SANBR: variants seen among roughly 807,000 people sequenced by gnomAD.
SANBR encodes SANT and BTB domain regulator of class switch recombination.
Under a neutral mutation model 101.8 loss-of-function variants are expected in SANBR, and 77 were observed. The ratio of observed to expected loss-of-function variants is 0.76; its 90% CI spans 0.63 to 0.91. The LOEUF (loss-of-function observed/expected upper bound fraction) is 0.91, where lower values mean the gene tolerates loss of function less well. Ranked by LOEUF, SANBR falls within the 40% of genes least tolerant of loss-of-function variation. SANBR has a pLI of 0.00. For synonymous variants in SANBR, 279 were observed against 274.7 expected, an observed-to-expected ratio of 1.02 and a Z score of -0.15; for missense variants, 875 against 853.0, an observed-to-expected ratio of 1.03 and a Z score of -0.32.
At chr2:61,077,289 A>G in intron 6 of SANBR, 131 bp downstream of exon 6, 1 of 689,208 alleles carries the variant, frequency 1.5e-6, no homozygotes, top group Non-Finnish European at 2.6e-6. Context: ...ACAGCCTTTT[A>G]GGAAACTGAT....
intron 17 of SANBR, among the ~76,000 whole-genome samples, chr2:61,116,455 A>G (rs1288316898): frequency 6.6e-6 from 1 of 152,182 alleles, no homozygotes; most frequent in Non-Finnish European, 1.5e-5. Context: ...TACCTTTTGA[A>G]TTTTAAACCA....
In SANBR at chr2:61,080,114, T is replaced by C. The variant is rs1435366337; in HGVS notation, c.671-1338T>C. On this transcript the variant is annotated intron_variant, in intron 6 of 21. Coordinates refer to ENST00000402291, the MANE Select transcript of SANBR (RefSeq NM_001129993.3). ...CGGGAGGCTGAGGCAGGAGAATCGC[T>C]TGAAACCGGAAGGCGGAGGTTGCAG... Among the ~76,000 whole-genome samples the C allele has an allele frequency of 4.7e-5, 7 of 148,832 alleles. No individual in the cohort carries two copies. The Admixed American group carries it at 4.7e-4, about 10-fold the overall frequency.
chr2:61,116,333 A>G (rs1684079607), intron 17 of SANBR, among the ~76,000 whole-genome samples: 1 of 152,176 alleles, frequency 6.6e-6, no homozygotes, highest in African/African-American at 2.4e-5. Context: ...GTATATGCAT[A>G]AAATGTTTCT....
Position 61,066,016 on chromosome 2 carries a change from G to C in SANBR, c.-158G>C, listed in dbSNP as rs1373773447. 2 of 152,156 alleles carry C rather than the reference G, an allele frequency of 1.3e-5. No homozygotes were observed. Among genetic ancestry groups the C allele is most frequent in the Non-Finnish European group, 2.9e-5 (2 of 68,126 alleles). 9.4% of individuals were successfully genotyped at this position (152,156 alleles called of 1,614,324 possible). A position where few individuals can be genotyped will look rare whatever the true frequency, so the allele number is the denominator to read the frequency against. The stretch of plus-strand genomic sequence containing the variant: ...ACAGAGGCGCTGCGAGGGCAGCCGC[G>C]GCCCTGTGGAGGTGAGCGAGACGCC... On this transcript the variant is annotated 5_prime_UTR_variant, in exon 1 of 22. Transcript: ENST00000402291.
At chr2:61,128,428 G>A (rs1684580419), downstream of SANBR, among the ~76,000 whole-genome samples, 1 of 152,154 alleles carries the variant, frequency 6.6e-6, no homozygotes, top group Non-Finnish European at 1.5e-5. Context: ...GCCAGGGAGG[G>A]AGGATTGCTT....
At chr2:61,119,953 C>T (rs1024575246) in intron 20 of SANBR, among the ~76,000 whole-genome samples, 1 of 151,840 alleles carries the variant, frequency 6.6e-6, no homozygotes, top group Admixed American at 6.6e-5. Flanking sequence ...CAGAACGAGA[C>T]CCTGTCTCCA....
At chr2:61,070,113 ATATT>A (rs1353313281) in intron 2 of SANBR, among the ~76,000 whole-genome samples, 2 of 152,220 alleles carry the variant, frequency 1.3e-5, no homozygotes, top group Non-Finnish European at 2.9e-5. Flanking sequence ...TTTTTATCGT[ATATT>A]TATTCATCTC....
chr2:61,108,170 T>C, intron 14 of SANBR, 147 bp from the exon 15 acceptor site: 1 of 467,066 alleles, frequency 2.1e-6, no homozygotes, highest in South Asian at 5.2e-5. Flanking sequence ...AACATATCAC[T>C]TTCAGCCTGA....
At chr2:61,091,019 C>T (rs1392775825) in intron 10 of SANBR, among the ~76,000 whole-genome samples, 2 of 150,336 alleles carry the variant, frequency 1.3e-5, no homozygotes, top group Non-Finnish European at 2.9e-5. Context: ...AGCAGTTCTT[C>T]TGCCTCAGAC....
intron 16 of SANBR, among the ~76,000 whole-genome samples, chr2:61,111,449 C>G (rs192805012): frequency 6.6e-6 from 1 of 152,168 alleles, no homozygotes; most frequent in Admixed American, 6.5e-5. Context: ...CCAAGTTTTA[C>G]GTAATTTTTC....
At chr2:61,085,596 C>T (rs566341946) in intron 8 of SANBR, among the ~76,000 whole-genome samples, 15 of 152,004 alleles carry the variant, frequency 9.9e-5, no homozygotes, top group East Asian at 5.8e-4. Context: ...CTGCAACCGC[C>T]GCCTCCCAGG....
At chr2:61,085,105 G>C (rs1682352213) in intron 8 of SANBR, among the ~76,000 whole-genome samples, 1 of 152,140 alleles carries the variant, frequency 6.6e-6, no homozygotes, top group Non-Finnish European at 1.5e-5. Context: ...ATGGCAAGTA[G>C]ATACCTGGAT....
chr2:61,079,601 C>T (rs1261549627), intron 6 of SANBR, among the ~76,000 whole-genome samples: 1 of 152,016 alleles, frequency 6.6e-6, no homozygotes, highest in Non-Finnish European at 1.5e-5. Context: ...GACTAACCAG[C>T]TATAATATGT....
At chr2:61,105,620 C>T (rs1417967653) in intron 13 of SANBR, among the ~76,000 whole-genome samples, 1 of 151,856 alleles carries the variant, frequency 6.6e-6, no homozygotes, top group African/African-American at 2.4e-5. Flanking sequence ...CCCGCCTCTG[C>T]CTCCTGAAGT....
intron 1 of SANBR, among the ~76,000 whole-genome samples, chr2:61,067,963 T>C (rs553259831): frequency 6.6e-6 from 1 of 152,308 alleles, no homozygotes; most frequent in East Asian, 1.9e-4. Flanking sequence ...TTTAAATGAG[T>C]TGTGGACCTG....
chr2:61,134,325 T>A, intron 21 of SANBR: 1 of 1,499,838 alleles, frequency 6.7e-7, no homozygotes. Flanking sequence ...CATGAAAGAC[T>A]TTTAGAAATA....
chr2:61,118,114 G>A lies in SANBR; in HGVS notation c.2026G>A (p.Glu676Lys), dbSNP rs768566281. The A allele has an allele frequency of 1.9e-6, 3 of 1,608,428 alleles. No individual in the cohort carries two copies. In the South Asian group the frequency reaches 3.3e-5, roughly 18 times the overall value. The stretch of plus-strand genomic sequence containing the variant: ...CCGAGTCAAGTCAAAGGAAGCAAAA[G>A]AAGTAAGAATTGTGTACTAGTGTAT... ...LDRVKSKEAK[E>K]FAGGIYSRLE... Residue 676 changes from glutamate (E) to lysine (K), a missense_variant and splice_region_variant, in exon 20 of 22, where the codon GAA (glutamate) becomes AAA (lysine). Physicochemically the swap from Glu to Lys is moderately conservative, Grantham distance 56 (BLOSUM62 1). Transcript: ENST00000402291.
At chr2:61,074,049 T>A (rs544568703) in intron 5 of SANBR, among the ~76,000 whole-genome samples, 5 of 152,278 alleles carry the variant, frequency 3.3e-5, no homozygotes, top group African/African-American at 1.2e-4. Flanking sequence ...CTTTGATGAG[T>A]TTTGAAAAAT....
downstream of SANBR, among the ~76,000 whole-genome samples, chr2:61,125,636 A>G (rs147582991): frequency 1.9e-3 from 296 of 152,354 alleles, no homozygotes; most frequent in African/African-American, 6.8e-3. Context: ...TTGAGAAAAT[A>G]TAGCCAGTTT....
Sources: allele counts gnomAD v4.1 joint callset (sites outside exome capture counted in the v4.1 genomes callset), GRCh38; gene constraint gnomAD v4.1.1; transcripts MANE v1.5; gene names NCBI Gene and HGNC (gene_info 2026-07-23, HGNC 2026-07-21).